The following ZDHHC7 variants were observed in gnomAD, a reference collection of about 807,000 sequenced individuals.
ZDHHC7 encodes palmitoyltransferase ZDHHC7.
A neutral mutation model predicts 34.1 loss-of-function variants in ZDHHC7; 12 were observed. That is an observed-to-expected ratio of 0.35 (90% CI 0.23 to 0.57). The LOEUF is 0.57. Among genes scored for constraint, ZDHHC7 ranks in the 20% least tolerant of loss-of-function variants. The pLI, the probability that ZDHHC7 is intolerant of heterozygous loss-of-function variation, is 0.84. For missense variants in ZDHHC7, 388 were observed against 402.7 expected (o/e 0.96, Z 0.31); for synonymous variants, 185 against 155.4 (o/e 1.19, Z -1.42).
At chr16:85,015,185 C>T (rs1376555872), upstream of ZDHHC7, among the ~76,000 whole-genome samples, 6 of 151,714 alleles carry the variant, frequency 4.0e-5, no homozygotes, top group South Asian at 2.1e-4. Flanking sequence ...GTGCAACCTC[C>T]GCGTCCCAGG....
intron 1 of ZDHHC7, among the ~76,000 whole-genome samples, chr16:84,998,321 G>A (rs902612773): frequency 1.3e-4 from 20 of 151,846 alleles, no homozygotes; most frequent in Admixed American, 1.3e-4. Flanking sequence ...AACAACAGAG[G>A]TTGAGCACAG....
intron 3 of ZDHHC7, among the ~76,000 whole-genome samples, chr16:84,985,952 C>CTAAAA (rs2072430828): frequency 1.9e-5 from 1 of 54,028 alleles, no homozygotes; most frequent in Non-Finnish European, 3.5e-5. Flanking sequence ...GAGACTGTCT[C>CTAAAA]AAAAAAAAAA....
chr16:85,001,749 T>C (rs2072655921), intron 1 of ZDHHC7, among the ~76,000 whole-genome samples: 1 of 152,166 alleles, frequency 6.6e-6, no homozygotes. Flanking sequence ...TTGTTGTTGT[T>C]GTTTAATATT....
the ZDHHC7 span, among the ~76,000 whole-genome samples, chr16:85,025,354 C>G: frequency 3.4e-4 from 51 of 152,058 alleles, no homozygotes; most frequent in Admixed American, 1.8e-3. Context: ...GATGACATCA[C>G]TTGTGCCCCT....
chr16:84,979,117 C>A, intron 5 of ZDHHC7, 72 bp downstream of exon 5: 2 of 1,452,250 alleles, frequency 1.4e-6, no homozygotes, highest in East Asian at 2.4e-5. Flanking sequence ...GTAGATTTCT[C>A]TGCTCCAGGC....
At chr16:85,016,637 A>G in the ZDHHC7 span, among the ~76,000 whole-genome samples, 1 of 143,494 alleles carries the variant, frequency 7.0e-6, no homozygotes, top group Non-Finnish European at 1.5e-5. Flanking sequence ...TTTTTTTTTT[A>G]AAGATTGAGG....
intron 6 of ZDHHC7, 135 bp downstream of exon 6, chr16:84,977,789 C>A (rs573981129): frequency 1.2e-5 from 9 of 732,422 alleles, no homozygotes; most frequent in Middle Eastern, 4.1e-4. Flanking sequence ...TAACTAAATT[C>A]TTTAAAATTC....
intron 1 of ZDHHC7, among the ~76,000 whole-genome samples, chr16:85,010,951 G>T: frequency 6.6e-6 from 1 of 152,240 alleles, no homozygotes; most frequent in East Asian, 1.9e-4. Flanking sequence ...GCTTACACAG[G>T]GTTTATAGCT....
chr16:85,022,835 CTG>C, the ZDHHC7 span, among the ~76,000 whole-genome samples: 3 of 152,284 alleles, frequency 2.0e-5, no homozygotes, highest in Middle Eastern at 3.4e-3. Context: ...TGTTGCTAAA[CTG>C]TGTTACCTGC....
intron 3 of ZDHHC7, among the ~76,000 whole-genome samples, chr16:84,986,460 C>T (rs956545590): frequency 1.3e-5 from 2 of 152,210 alleles, no homozygotes; most frequent in Non-Finnish European, 2.9e-5. Flanking sequence ...GGAAGGCACT[C>T]GCACGGCTGC....
At chr16:85,013,622 C>G (rs140001247), upstream of ZDHHC7, among the ~76,000 whole-genome samples, 52 of 152,294 alleles carry the variant, frequency 3.4e-4, no homozygotes, top group East Asian at 7.9e-3. Flanking sequence ...TCCCAAGTTT[C>G]TCTTATGAAT....
At chr16:85,008,484 T>C (rs2072746472) in intron 1 of ZDHHC7, among the ~76,000 whole-genome samples, 1 of 148,966 alleles carries the variant, frequency 6.7e-6, no homozygotes, top group Non-Finnish European at 1.5e-5. Context: ...AAGGGTGGTT[T>C]TGGGAACCAC....
At chr16:84,989,524 T>C (rs1049306115) in intron 3 of ZDHHC7, among the ~76,000 whole-genome samples, 1 of 151,938 alleles carries the variant, frequency 6.6e-6, no homozygotes, top group Non-Finnish European at 1.5e-5. Flanking sequence ...GGTGAAACCC[T>C]GTCTCTACTA....
chr16:84,974,226 CTAAG>C lies in ZDHHC7; in HGVS notation c.*2113_*2116del. 1 of 152,302 alleles carries C rather than the reference CTAAG, an allele frequency of 6.6e-6. No individual in the cohort carries two copies. The highest frequency in any genetic ancestry group is 3.4e-3 in the Middle Eastern group (1 of 294). 9.4% of individuals were successfully genotyped at this position (152,302 alleles called of 1,614,324 possible). A position where few individuals can be genotyped will look rare whatever the true frequency, so the allele number is the denominator to read the frequency against. On this transcript the variant is annotated 3_prime_UTR_variant, in exon 8 of 8. Coordinates refer to ENST00000313732, the MANE Select transcript of ZDHHC7 (RefSeq NM_017740.3). The stretch of plus-strand genomic sequence containing the variant: ...ATTTCAACGTGCACTAAAAAAAGGA[CTAAG>C]TAAAACGATGGGAGTCGAATTAAAC...
chr16:84,987,941 G>A (rs921479472), intron 3 of ZDHHC7, among the ~76,000 whole-genome samples: 11 of 152,168 alleles, frequency 7.2e-5, no homozygotes, highest in African/African-American at 1.4e-4. Flanking sequence ...AGGCCGAGGC[G>A]GGCAGATCAT....
chr16:85,006,063 C>G (rs1028765855), intron 1 of ZDHHC7, among the ~76,000 whole-genome samples: 1 of 152,134 alleles, frequency 6.6e-6, no homozygotes, highest in Non-Finnish European at 1.5e-5. Flanking sequence ...CAGGAATCAC[C>G]GTTCAAAATC....
At position 84,990,554 on chromosome 16, in the gene ZDHHC7, T is replaced by C. The variant is rs1305495852; in HGVS notation, c.65A>G (p.Asn22Ser). The C allele has an allele frequency of 7.4e-6, 12 of 1,613,978 alleles. No homozygotes were observed. Among genetic ancestry groups the C allele is most frequent in the Non-Finnish European group, 9.3e-6 (11 of 1,180,036 alleles). The change falls in exon 3 of 8, where the codon AAC becomes AGC. Residue 22 changes from asparagine (N) to serine (S), a missense_variant. Transcript: ENST00000313732. ...EHHPLLAENDNYDSSSSSSSE... is the reference protein window; with the variant it reads ...EHHPLLAENDSYDSSSSSSSE... ...GGAGGAGGACGATGAAGAGTCATAG[T>C]TGTCATTTTCAGCCAGGAGAGGATG... is the stretch of plus-strand genomic sequence containing the variant.
the ZDHHC7 span, among the ~76,000 whole-genome samples, chr16:85,022,137 G>A: frequency 6.6e-6 from 1 of 151,588 alleles, no homozygotes; most frequent in Non-Finnish European, 1.5e-5. Context: ...TCTAGCCTGG[G>A]CGACAGAGCG....
At chr16:84,987,202 A>G (rs939606594) in intron 3 of ZDHHC7, among the ~76,000 whole-genome samples, 5 of 152,218 alleles carry the variant, frequency 3.3e-5, no homozygotes, top group African/African-American at 9.6e-5. Context: ...AGTTTCATTT[A>G]CAGTGACTCC....
Sources: gnomAD v4.1 joint callset for allele counts (sites outside exome capture counted in the v4.1 genomes callset) on GRCh38, gnomAD v4.1.1 for gene constraint, MANE v1.5 for transcripts, NCBI Gene and HGNC (gene_info 2026-07-23, HGNC 2026-07-21) for gene names.